The following DCDC2 variants were observed in gnomAD, a reference collection of about 807,000 sequenced individuals.
DCDC2 encodes the protein doublecortin domain containing 2, also known as doublecortin domain-containing protein 2.
A neutral mutation model predicts 50.2 loss-of-function variants in DCDC2; 40 were observed. That is an observed-to-expected ratio of 0.80 (90% CI 0.62 to 1.04). The LOEUF is 1.04. Ranked by LOEUF, DCDC2 falls within the 50% of genes least tolerant of loss-of-function variation. The pLI, the probability that DCDC2 is intolerant of heterozygous loss-of-function variation, is 0.00. For missense variants in DCDC2, 570 were observed against 581.9 expected, an observed-to-expected ratio of 0.98 and a Z score of 0.21; for synonymous variants, 234 against 210.6, an observed-to-expected ratio of 1.11 and a Z score of -0.96.
intron 1 of DCDC2, 132 bp downstream of exon 1, chr6:24,357,326 G>T: frequency 9.4e-7 from 1 of 1,065,690 alleles, no homozygotes; most frequent in Non-Finnish European, 1.3e-6. Context: ...AGTTTTGAGG[G>T]GCATCAATCA....
intron 2 of DCDC2, among the ~76,000 whole-genome samples, chr6:24,318,766 G>A (rs12207989): frequency 0.19 from 27,547 of 141,814 alleles, 2,637 homozygotes; most frequent in African/African-American, 0.28. Context: ...ATAATATTCC[G>A]TTTTATATAC....
At chr6:24,337,990 T>C (rs1312182403) in intron 2 of DCDC2, among the ~76,000 whole-genome samples, 3 of 152,216 alleles carry the variant, frequency 2.0e-5, no homozygotes, top group South Asian at 2.1e-4. Context: ...TGAATGATCA[T>C]CTTTTAATTA....
At chr6:24,194,699 G>A (rs530493008) in intron 8 of DCDC2, among the ~76,000 whole-genome samples, 1 of 152,170 alleles carries the variant, frequency 6.6e-6, no homozygotes, top group Admixed American at 6.5e-5. Flanking sequence ...ATTGACATAG[G>A]GTCATCAGTG....
intron 8 of DCDC2, among the ~76,000 whole-genome samples, chr6:24,184,380 T>G (rs1312774528): frequency 6.6e-6 from 1 of 151,966 alleles, no homozygotes; most frequent in Non-Finnish European, 1.5e-5. Flanking sequence ...AAGACCACCC[T>G]GGGGACAACA....
At chr6:24,336,679 C>T (rs577177729) in intron 2 of DCDC2, among the ~76,000 whole-genome samples, 5 of 152,160 alleles carry the variant, frequency 3.3e-5, no homozygotes, top group African/African-American at 1.2e-4. Context: ...TTAGTCACAG[C>T]CTGATAAAGC....
At chr6:24,280,378 TTTTTC>T (rs1046463618) in intron 6 of DCDC2, among the ~76,000 whole-genome samples, 2 of 151,984 alleles carry the variant, frequency 1.3e-5, no homozygotes, top group African/African-American at 2.4e-5. Flanking sequence ...GTTTTTTTTT[TTTTTC>T]TTTTCTTTGA....
chr6:24,226,066 T>A (rs1165098564), intron 7 of DCDC2, among the ~76,000 whole-genome samples: 1 of 152,220 alleles, frequency 6.6e-6, no homozygotes, highest in Non-Finnish European at 1.5e-5. Flanking sequence ...TGATCAGCAT[T>A]ATGTAAGGAT....
chr6:24,287,941 A>G (rs1763648061), intron 6 of DCDC2, among the ~76,000 whole-genome samples: 1 of 152,208 alleles, frequency 6.6e-6, no homozygotes, highest in Non-Finnish European at 1.5e-5. Flanking sequence ...ATAATAGTAT[A>G]AGAGTCTCAG....
intron 7 of DCDC2, among the ~76,000 whole-genome samples, chr6:24,234,185 G>T (rs921097163): frequency 2.0e-5 from 3 of 151,462 alleles, no homozygotes; most frequent in East Asian, 3.9e-4. Context: ...TTGACAAAAA[G>T]AAGTTGGTTG....
rs978424011 is a variant in DCDC2, at chr6:24,358,028, T to A, written c.-278A>T. The A allele has an allele frequency of 1.3e-5, 16 of 1,216,510 alleles. No homozygotes were observed. The African/African-American group carries it at 2.1e-4, about 16-fold the overall frequency. The allele number at this position is 1,216,510 out of a possible 1,614,324, so 75.4% of individuals were successfully genotyped here. On this transcript the variant is annotated 5_prime_UTR_variant, in exon 1 of 10. Coordinates refer to ENST00000378454, the MANE Select transcript of DCDC2 (RefSeq NM_016356.5). ...GTGCGCGCACCACACCAGGTTCACCTGCTACGGGCAGAATCAAGGTGGACA... is the reference window on the plus strand; with the variant it reads ...GTGCGCGCACCACACCAGGTTCACCAGCTACGGGCAGAATCAAGGTGGACA...
chr6:24,351,014 C>T (rs1760359834), intron 2 of DCDC2, among the ~76,000 whole-genome samples: 1 of 152,102 alleles, frequency 6.6e-6, no homozygotes, highest in Non-Finnish European at 1.5e-5. Flanking sequence ...GTTTCCCATA[C>T]TAAAAATCAC....
intron 2 of DCDC2, among the ~76,000 whole-genome samples, chr6:24,315,667 C>G (rs915276514): frequency 1.3e-5 from 2 of 152,016 alleles, no homozygotes; most frequent in African/African-American, 4.8e-5. Flanking sequence ...ACTTTGGGAG[C>G]AGAAAGGAGG....
At chr6:24,351,771 T>C (rs2127254517) in intron 2 of DCDC2, among the ~76,000 whole-genome samples, 1 of 152,242 alleles carries the variant, frequency 6.6e-6, no homozygotes, top group East Asian at 1.9e-4. Context: ...ATAAGCAAAT[T>C]AAATGAACTG....
At chr6:24,240,740 G>A (rs939698599) in intron 7 of DCDC2, among the ~76,000 whole-genome samples, 2 of 152,190 alleles carry the variant, frequency 1.3e-5, no homozygotes, top group Non-Finnish European at 2.9e-5. Flanking sequence ...AGCACACACA[G>A]AGAAGTAACA....
chr6:24,269,712 T>G (rs1197319710), intron 7 of DCDC2, among the ~76,000 whole-genome samples: 2 of 152,026 alleles, frequency 1.3e-5, no homozygotes, highest in African/African-American at 4.8e-5. Context: ...CCTAGAATGT[T>G]TAAGTAACTG....
chr6:24,296,589 C>A (rs1759250343), intron 4 of DCDC2, among the ~76,000 whole-genome samples: 1 of 152,088 alleles, frequency 6.6e-6, no homozygotes, highest in Admixed American at 6.6e-5. Context: ...GGTCTAATAT[C>A]CAGCATCTAT....
chr6:24,180,442 G>A (rs909526505), intron 8 of DCDC2, among the ~76,000 whole-genome samples: 3 of 151,954 alleles, frequency 2.0e-5, no homozygotes, highest in East Asian at 3.9e-4. Flanking sequence ...CCGCCACCAC[G>A]CCCGGCTAAA....
At chr6:24,201,210 GCAC>G (rs1285478652) in intron 8 of DCDC2, among the ~76,000 whole-genome samples, 4 of 152,064 alleles carry the variant, frequency 2.6e-5, no homozygotes, top group Admixed American at 1.3e-4. Context: ...ATTCTTCTCA[GCAC>G]CACATCACAC....
intron 4 of DCDC2, among the ~76,000 whole-genome samples, chr6:24,297,653 T>C (rs1275067379): frequency 6.6e-6 from 1 of 152,156 alleles, no homozygotes; most frequent in African/African-American, 2.4e-5. Context: ...TTTTTATTAC[T>C]TATAGGGTGG....
Sources: gnomAD v4.1 joint callset for allele counts (sites outside exome capture counted in the v4.1 genomes callset) on GRCh38, gnomAD v4.1.1 for gene constraint, MANE v1.5 for transcripts, NCBI Gene and HGNC (gene_info 2026-07-23, HGNC 2026-07-21) for gene names.